The following VWDE variants were observed in gnomAD, a reference collection of about 807,000 sequenced individuals.
VWDE encodes von Willebrand factor D and EGF domain-containing protein.
In VWDE, 207 loss-of-function variants were observed where a neutral mutation model predicts 178.4. The ratio of observed to expected loss-of-function variants is 1.16; its 90% confidence interval spans 1.04 to 1.30. The LOEUF is 1.30. Among genes scored for constraint, VWDE ranks in the 50% most tolerant of loss-of-function variants. VWDE has a pLI of 0.00. For missense variants in VWDE, 2,287 were observed against 1,901.3 expected, an observed-to-expected ratio of 1.20 and a Z score of -3.77; for synonymous variants, 738 against 651.4, an observed-to-expected ratio of 1.13 and a Z score of -2.02.
At chr7:12,331,244 C>A (rs1260172622) in intron 28 of VWDE, 47 bp from the exon 29 acceptor site, 5 of 1,492,892 alleles carry the variant, frequency 3.3e-6, no homozygotes, top group South Asian at 1.3e-5. Flanking sequence ...AGTATAAAAT[C>A]ATTTAACCCT....
At chr7:12,365,763 G>A (rs1403693714) in intron 13 of VWDE, among the ~76,000 whole-genome samples, 2 of 152,058 alleles carry the variant, frequency 1.3e-5, no homozygotes, top group African/African-American at 4.8e-5. Context: ...ACCCAGCACT[G>A]GGCAAGACTG....
At position 12,370,881 on chromosome 7, in the gene VWDE, A is replaced by G. The variant is rs1242584746; in HGVS notation, c.1588-17T>C. 4 of 1,489,908 alleles carry G rather than the reference A, an allele frequency of 2.7e-6. No individual in the cohort carries two copies. Among genetic ancestry groups the G allele is most frequent in the East Asian group, 2.5e-5 (1 of 40,056 alleles). The allele number at this position is 1,489,908 out of a possible 1,614,324, so 92.3% of individuals were successfully genotyped here. A position where few individuals can be genotyped will look rare whatever the true frequency, so the allele number is the denominator to read the frequency against. On this transcript the variant is annotated splice_polypyrimidine_tract_variant and intron_variant, in intron 10 of 28. Transcript: ENST00000275358. ...AAACCAGATCTGAAAAACAGAAATA[A>G]ATACAGAAATAAAAGATGTTGAAGC...
Position 12,403,652 on chromosome 7 carries a change from C to G in VWDE, c.58+7G>C, listed in dbSNP as rs1451851749. ...GCGCCCACCCCCGCGCGCCCTACCTCGCTTACCTTCCCCCCAGGCCAGGAA... is the reference window on the plus strand; with the variant it reads ...GCGCCCACCCCCGCGCGCCCTACCTGGCTTACCTTCCCCCCAGGCCAGGAA... On this transcript the variant is annotated splice_region_variant and intron_variant, in intron 1 of 28. Coordinates refer to ENST00000275358, the MANE Select transcript of VWDE (RefSeq NM_001135924.3). 1 of 1,542,152 alleles carries G rather than the reference C, an allele frequency of 6.5e-7. No homozygotes were observed. The highest frequency in any genetic ancestry group is 1.4e-5 in the African/African-American group (1 of 73,150).
At chr7:12,391,646 T>C (rs1305926457) in intron 2 of VWDE, among the ~76,000 whole-genome samples, 1 of 152,184 alleles carries the variant, frequency 6.6e-6, no homozygotes, top group Non-Finnish European at 1.5e-5. Context: ...CAAAAGCGAC[T>C]AATGAGCAAA....
intron 19 of VWDE, among the ~76,000 whole-genome samples, chr7:12,349,203 G>C (rs936141117): frequency 3.3e-5 from 5 of 150,690 alleles, no homozygotes; most frequent in African/African-American, 1.2e-4. Context: ...TTGTGCACAT[G>C]TACCCTAAAA....
Position 12,359,624 on chromosome 7 carries a change from C to G in VWDE, c.3228G>C (p.Leu1076Phe). The G allele has an allele frequency of 1.3e-6, 2 of 1,550,140 alleles. No individual in the cohort carries two copies. The highest frequency in any genetic ancestry group is 2.4e-5 in the South Asian group (2 of 83,898). The change falls in exon 16 of 29, where the codon TTG becomes TTC. Residue 1076 changes from leucine (L) to phenylalanine (F), a missense_variant. Physicochemically the swap from Leu to Phe is conservative, Grantham distance 22. Transcript: ENST00000275358. ...ATCTTGAAATTTTGGGTCTACAAAT[C>G]AAACAAGGGCTGGTTGGATTTTTGT... ...EGDKNPTSPC[L>F]ICRPKISRFT...
chr7:12,389,595 A>G (rs1784282232), intron 2 of VWDE, among the ~76,000 whole-genome samples: 1 of 152,192 alleles, frequency 6.6e-6, no homozygotes, highest in African/African-American at 2.4e-5. Context: ...ATATTAATAC[A>G]TTTATTCCAT....
intron 23 of VWDE, among the ~76,000 whole-genome samples, chr7:12,341,811 AAAT>A (rs749642759): frequency 5.3e-5 from 8 of 152,174 alleles, no homozygotes; most frequent in Non-Finnish European, 1.2e-4. Flanking sequence ...TGAATGAGGG[AAAT>A]ATAAAAGCAA....
Position 12,361,534 on chromosome 7 carries a change from T to C in VWDE, c.2899-13A>G, listed in dbSNP as rs1162691476. ...CACTGCTATTATACTGAAGACATAG[T>C]GAGAAAAAAATTAACCTCTGTTAAA... On this transcript the variant is annotated splice_polypyrimidine_tract_variant and intron_variant, in intron 13 of 28. Transcript: ENST00000275358. The C allele has an allele frequency of 3.3e-6, 5 of 1,499,014 alleles. No individual in the cohort carries two copies. In the East Asian group the frequency reaches 7.5e-5, roughly 22 times the overall value. The allele number at this position is 1,499,014 out of a possible 1,614,324, so 92.9% of individuals were successfully genotyped here.
At chr7:12,358,628 A>G (rs1782404955) in intron 16 of VWDE, among the ~76,000 whole-genome samples, 1 of 152,080 alleles carries the variant, frequency 6.6e-6, no homozygotes, top group Admixed American at 6.6e-5. Context: ...ATCCTTACAC[A>G]AGCAGCCTAA....
rs111825888 is a variant in VWDE at position 12,400,943 on chromosome 7, G to C, written c.58+2716C>G. On this transcript the variant is annotated intron_variant, in intron 1 of 28. Coordinates refer to ENST00000275358, the MANE Select transcript of VWDE (RefSeq NM_001135924.3). ...ATTACTATAATAAACCACATAGATA[G>C]CATAAAAGCTGAAATCCACATGTTC... 5.3e-5 allele frequency among the ~76,000 whole-genome samples: 8 copies of C among 152,186 alleles called. 1 individual carries two copies. The highest frequency in any genetic ancestry group is 1.9e-4 in the African/African-American group (8 of 41,554).
chr7:12,346,884 C>A (rs1372151345), intron 19 of VWDE, among the ~76,000 whole-genome samples: 1 of 151,812 alleles, frequency 6.6e-6, no homozygotes, highest in African/African-American at 2.4e-5. Context: ...TTATGTAAAT[C>A]AAACCAAAAC....
At chr7:12,389,097 C>G (rs757581108) in intron 3 of VWDE, 30 bp downstream of exon 3, 6 of 1,382,114 alleles carry the variant, frequency 4.3e-6, no homozygotes, top group Non-Finnish European at 5.0e-6. Flanking sequence ...CCATGAATAA[C>G]AGTCATGTGA....
In VWDE at chr7:12,369,068, A is replaced by G. The variant is rs1053308231; in HGVS notation, c.2761+477T>C. On this transcript the variant is annotated intron_variant, in intron 12 of 28. Coordinates refer to ENST00000275358, the MANE Select transcript of VWDE (RefSeq NM_001135924.3). The stretch of plus-strand genomic sequence containing the variant: ...TATTAAGAGAAAATATACTGTATAG[A>G]TAGATGCATTAGAGAAAAAGAGTTT... 2.6e-5 allele frequency among the ~76,000 whole-genome samples: 4 copies of G among 152,190 alleles called. No homozygotes were observed. In the East Asian group the frequency reaches 7.7e-4, roughly 29 times the overall value.
At chr7:12,400,137 A>C (rs920153096) in intron 1 of VWDE, among the ~76,000 whole-genome samples, 3 of 152,164 alleles carry the variant, frequency 2.0e-5, no homozygotes, top group Admixed American at 2.0e-4. Context: ...ATGAACATCA[A>C]GTTAACCTTG....
intron 19 of VWDE, among the ~76,000 whole-genome samples, chr7:12,346,820 C>T (rs1333158372): frequency 2.0e-5 from 3 of 151,926 alleles, no homozygotes; most frequent in African/African-American, 7.3e-5. Flanking sequence ...CAAAGCTCTT[C>T]TCAAAGGTCT....
chr7:12,339,378 T>A (rs879447208), intron 24 of VWDE, among the ~76,000 whole-genome samples: 3 of 152,160 alleles, frequency 2.0e-5, no homozygotes, highest in Admixed American at 1.3e-4. Flanking sequence ...TATATAACTC[T>A]TTAGCATGGA....
intron 1 of VWDE, among the ~76,000 whole-genome samples, chr7:12,394,428 C>A (rs1053339431): frequency 6.6e-6 from 1 of 152,020 alleles, no homozygotes; most frequent in Non-Finnish European, 1.5e-5. Flanking sequence ...AAGCCCATGG[C>A]GAAAGGGAGA....
At position 12,340,346 on chromosome 7, in the gene VWDE, A is replaced by T. The variant is rs1202790031; in HGVS notation, c.4342T>A (p.Phe1448Ile). 3 of 1,551,282 alleles carry T rather than the reference A, an allele frequency of 1.9e-6. No individual in the cohort carries two copies. The highest frequency in any genetic ancestry group is 1.7e-4 in the Middle Eastern group (1 of 5,992). The change falls in exon 24 of 29, where the codon TTC (phenylalanine) becomes ATC (isoleucine). Residue 1448 changes from phenylalanine to isoleucine, a missense_variant. Physicochemically the swap from Phe to Ile is conservative, Grantham distance 21 (BLOSUM62 0). Coordinates refer to ENST00000275358, the MANE Select transcript of VWDE (RefSeq NM_001135924.3). ...CCATTCTGACAGTGTTCCCCAAAGAATCCATTTGGACAGAGGCAAGTATTT... is the reference window on the plus strand; with the variant it reads ...CCATTCTGACAGTGTTCCCCAAAGATTCCATTTGGACAGAGGCAAGTATTT... ...KPNTCLCPNG[F>I]FGEHCQNAFC...
Sources: gnomAD v4.1 joint callset for allele counts (sites outside exome capture counted in the v4.1 genomes callset) on GRCh38, gnomAD v4.1.1 for gene constraint, MANE v1.5 for transcripts, NCBI Gene and HGNC (gene_info 2026-07-23, HGNC 2026-07-21) for gene names.